Variants in ABCE1 observed in about 807,000 individuals in gnomAD.
ABCE1 encodes the protein ATP-binding cassette sub-family E member 1.
Under a neutral mutation model 83.4 loss-of-function variants are expected in ABCE1, and 22 were observed. The observed-to-expected ratio is 0.26, with a 90% CI of 0.19 to 0.38. The LOEUF (loss-of-function observed/expected upper bound fraction) is 0.38, where lower values mean the gene tolerates loss of function less well. Among genes scored for constraint, ABCE1 ranks in the 10% least tolerant of loss-of-function variants. The probability of loss-of-function intolerance (pLI) is 1.00; values close to 1 mark genes in which losing one functional copy is unlikely to be tolerated. For missense variants in ABCE1, 330 were observed against 721.9 expected, an observed-to-expected ratio of 0.46 and a Z score of 6.22; for synonymous variants, 204 against 233.7, an observed-to-expected ratio of 0.87 and a Z score of 1.16.
chr4:145,126,299 T>G (rs1323163647), intron 17 of ABCE1, among the ~76,000 whole-genome samples: 1 of 151,942 alleles, frequency 6.6e-6, no homozygotes, highest in East Asian at 1.9e-4. Context: ...TTGGTTTTAG[T>G]TGTTTGTTTT....
chr4:145,098,729 G>A (rs780910207), intron 1 of ABCE1, among the ~76,000 whole-genome samples: 2 of 151,882 alleles, frequency 1.3e-5, no homozygotes, highest in African/African-American at 4.9e-5. Flanking sequence ...CTCCCGCCCT[G>A]AAGCTAAACC....
At chr4:145,126,917 A>C (rs1001976902) in intron 17 of ABCE1, among the ~76,000 whole-genome samples, 3 of 152,156 alleles carry the variant, frequency 2.0e-5, no homozygotes, top group African/African-American at 7.2e-5. Context: ...CTCAGTTTTG[A>C]AAAGCATATT....
intron 1 of ABCE1, among the ~76,000 whole-genome samples, chr4:145,103,462 A>G (rs1749210222): frequency 6.6e-6 from 1 of 152,216 alleles, no homozygotes; most frequent in Non-Finnish European, 1.5e-5. Flanking sequence ...TTTTTAAGTT[A>G]ACTTTGATCT....
intron 8 of ABCE1, among the ~76,000 whole-genome samples, chr4:145,111,689 T>C (rs1211440639): frequency 1.3e-5 from 2 of 152,196 alleles, no homozygotes; most frequent in Non-Finnish European, 2.9e-5. Flanking sequence ...CTTTTTAATA[T>C]CTGAAGCAAG....
At chr4:145,098,717 C>G (rs1263425102) in intron 1 of ABCE1, among the ~76,000 whole-genome samples, 4 of 152,214 alleles carry the variant, frequency 2.6e-5, no homozygotes, top group Admixed American at 6.5e-5. Flanking sequence ...CCCTTTACCC[C>G]ACTCCCGCCC....
chr4:145,113,642 T>C (rs1443744046), intron 9 of ABCE1, among the ~76,000 whole-genome samples: 1 of 152,150 alleles, frequency 6.6e-6, no homozygotes, highest in Non-Finnish European at 1.5e-5. Context: ...TCAAGAACTT[T>C]AGGTGACATT....
intron 1 of ABCE1, among the ~76,000 whole-genome samples, chr4:145,100,279 A>G (rs1749105924): frequency 6.6e-6 from 1 of 152,208 alleles, no homozygotes; most frequent in Non-Finnish European, 1.5e-5. Flanking sequence ...CCTTGAGCCC[A>G]GGAGTCCCAG....
chr4:145,126,782 T>A (rs35905384), intron 17 of ABCE1, among the ~76,000 whole-genome samples: 27 of 152,324 alleles, frequency 1.8e-4, no homozygotes, highest in African/African-American at 6.5e-4. Flanking sequence ...GAGGCAAAGT[T>A]ATCTTGCACG....
At chr4:145,101,035 G>A (rs1749136783) in intron 1 of ABCE1, among the ~76,000 whole-genome samples, 3 of 151,488 alleles carry the variant, frequency 2.0e-5, no homozygotes, top group South Asian at 4.2e-4. Flanking sequence ...ACACACCCAC[G>A]ATAGATGTGT....
Position 145,110,462 on chromosome 4 carries a change from G to C in ABCE1, c.613+18G>C. On this transcript the variant is annotated intron_variant, in intron 7 of 17. Transcript: ENST00000296577. ...GCAGCTTGGTAAGTGTTTATTTTTT[G>C]TTTGTGTGAATATATATTTATTTAT... 1 of 1,606,986 alleles carries C rather than the reference G, an allele frequency of 6.2e-7. No homozygotes were observed. Among genetic ancestry groups the C allele is most frequent in the Non-Finnish European group, 8.5e-7 (1 of 1,176,016 alleles).
rs1200989712 is a variant in ABCE1 at position 145,120,031 on chromosome 4, A to T, written c.1022A>T (p.Glu341Val). The T allele has an allele frequency of 1.1e-5, 18 of 1,612,354 alleles. No individual in the cohort carries two copies. The highest frequency in any genetic ancestry group is 1.5e-5 in the Non-Finnish European group (18 of 1,179,180). Residue 341 changes from glutamate to valine, a missense_variant, in exon 11 of 18, where the codon GAA (glutamate) becomes GTA (valine). Physicochemically the swap from Glu to Val is moderately radical, Grantham distance 121. Coordinates refer to ENST00000296577, the MANE Select transcript of ABCE1 (RefSeq NM_002940.3). ...FKVAETANEEEVKKMCMYKYP... is the reference protein window; with the variant it reads ...FKVAETANEEVVKKMCMYKYP... ...GTGGCTGAGACAGCAAATGAAGAAG[A>T]AGTTAAAAAGATGTGTATGTATAAA... is the stretch of plus-strand genomic sequence containing the variant.
Position 145,128,389 on chromosome 4 carries a change from A to T in ABCE1, c.*816A>T, listed in dbSNP as rs1002581495. ...ATATTTGCTTCCCTTAGAACTACAG[A>T]CTCGAAATCTTTAAAGATGGTGCCT... On this transcript the variant is annotated 3_prime_UTR_variant, in exon 18 of 18. Coordinates refer to ENST00000296577, the MANE Select transcript of ABCE1 (RefSeq NM_002940.3). 3 of 152,340 alleles carry T rather than the reference A, an allele frequency of 2.0e-5. No individual in the cohort carries two copies. Among genetic ancestry groups the T allele is most frequent in the African/African-American group, 7.2e-5 (3 of 41,414 alleles). 9.4% of individuals were successfully genotyped at this position (152,340 alleles called of 1,614,324 possible).
chr4:145,121,004 A>T (rs1350153784), intron 11 of ABCE1, 170 bp from the exon 12 acceptor site: 1 of 615,942 alleles, frequency 1.6e-6, no homozygotes, highest in African/African-American at 1.9e-5. Context: ...ATGACACTTC[A>T]GAGGTGAGCC....
intron 16 of ABCE1, 62 bp downstream of exon 16, chr4:145,123,662 G>C (rs1749800958): frequency 1.4e-6 from 2 of 1,460,754 alleles, no homozygotes; most frequent in African/African-American, 2.8e-5. Context: ...AAATAGTAAA[G>C]TCACTCACTT....
chr4:145,111,342 G>T (rs1265027814), intron 8 of ABCE1, among the ~76,000 whole-genome samples: 1 of 151,778 alleles, frequency 6.6e-6, no homozygotes, highest in African/African-American at 2.4e-5. Context: ...CTCTTTTTTT[G>T]AGACGGAGTC....
chr4:145,107,823 A>G (rs556363261), intron 3 of ABCE1, among the ~76,000 whole-genome samples, 192 bp from the exon 4 acceptor site: 14 of 152,212 alleles, frequency 9.2e-5, no homozygotes, highest in Non-Finnish European at 1.6e-4. Context: ...ATACTGAGAG[A>G]CAATTGATAT....
At chr4:145,106,974 C>T (rs1749322069) in intron 3 of ABCE1, among the ~76,000 whole-genome samples, 1 of 152,084 alleles carries the variant, frequency 6.6e-6, no homozygotes, top group South Asian at 2.1e-4. Flanking sequence ...GCTCATTGAA[C>T]ATGTCTGCTG....
chr4:145,119,903 C>T lies in ABCE1; in HGVS notation c.923-29C>T, dbSNP rs777313657. The T allele has an allele frequency of 4.5e-5, 70 of 1,558,216 alleles. No homozygotes were observed. In the African/African-American group the frequency reaches 9.3e-4, roughly 21 times the overall value. On this transcript the variant is annotated intron_variant, in intron 10 of 17. Transcript: ENST00000296577. ...CTTAGGATTTTGGCTCTAATGATTT[C>T]TCCCGGTTGACAATTTTCTTCCCAA...
intron 1 of ABCE1, among the ~76,000 whole-genome samples, chr4:145,099,955 C>T (rs1314505677): frequency 1.3e-5 from 2 of 152,148 alleles, no homozygotes; most frequent in Admixed American, 6.5e-5. Context: ...TTTGCAGGAG[C>T]CTGTTAACTA....
Sources: gnomAD v4.1 joint callset for allele counts (sites outside exome capture counted in the v4.1 genomes callset) on GRCh38, gnomAD v4.1.1 for gene constraint, MANE v1.5 for transcripts, NCBI Gene and HGNC (gene_info 2026-07-23, HGNC 2026-07-21) for gene names.